Variants in DNAH11 observed in about 807,000 individuals in gnomAD.
DNAH11 encodes the protein axonemal beta dynein heavy chain 11.
DNAH11 carries 442 observed loss-of-function variants against 526.0 expected under a neutral mutation model. That is an observed-to-expected ratio of 0.84 (90% CI 0.78 to 0.91). The LOEUF is 0.91. Ranked by LOEUF, DNAH11 falls within the 40% of genes least tolerant of loss-of-function variation. DNAH11 has a pLI of 0.00. For missense variants in DNAH11, 6,989 were observed against 5,448.7 expected (o/e 1.28, Z -8.90); for synonymous variants, 2,461 against 1,935.9 (o/e 1.27, Z -7.12).
At chr7:21,758,939 G>A (rs557863374) in intron 54 of DNAH11, among the ~76,000 whole-genome samples, 9 of 152,328 alleles carry the variant, frequency 5.9e-5, no homozygotes, top group African/African-American at 1.7e-4. Flanking sequence ...ACAGAGCAGC[G>A]CTGATCAGAA....
intron 74 of DNAH11, among the ~76,000 whole-genome samples, chr7:21,877,651 G>A (rs368947041): frequency 8.0e-4 from 122 of 151,972 alleles, no homozygotes; most frequent in Middle Eastern, 3.4e-3. Flanking sequence ...CGAGGCGGGC[G>A]GATCACGAGG....
At chr7:21,565,684 G>T (rs558942558) in intron 6 of DNAH11, among the ~76,000 whole-genome samples, 3 of 152,182 alleles carry the variant, frequency 2.0e-5, no homozygotes, top group Non-Finnish European at 2.9e-5. Flanking sequence ...TTACTCCTCA[G>T]TTCCCACATC....
intron 56 of DNAH11, among the ~76,000 whole-genome samples, chr7:21,776,195 G>T (rs539601206): frequency 6.6e-6 from 1 of 152,266 alleles, no homozygotes; most frequent in African/African-American, 2.4e-5. Flanking sequence ...CCTTAGCTAA[G>T]AACCACAGGC....
At chr7:21,750,128 C>T in intron 53 of DNAH11, 94 bp from the exon 54 acceptor site, 1 of 1,411,844 alleles carries the variant, frequency 7.1e-7, no homozygotes, top group Admixed American at 2.8e-5. Context: ...TTATGCTGAA[C>T]TTTGTCTTGT....
chr7:21,544,826 C>G (rs1306353749), intron 1 of DNAH11, among the ~76,000 whole-genome samples, 180 bp from the exon 2 acceptor site: 1 of 151,864 alleles, frequency 6.6e-6, no homozygotes, highest in East Asian at 1.9e-4. Context: ...TATAAAAGAA[C>G]AAAGAAAACT....
At position 21,616,254 on chromosome 7, in the gene DNAH11, G is replaced by A; in HGVS notation, c.4057G>A (p.Val1353Met). ...WTKTQWRQIH[V>M]EQMDVELRRF... Reference sequence around the variant, plus strand: ...TAAAACCCAGTGGAGACAGATTCATGTGGAACAGATGGATGTAGAACTCAG... The same window carrying A: ...TAAAACCCAGTGGAGACAGATTCATATGGAACAGATGGATGTAGAACTCAG... Residue 1353 changes from valine to methionine, a missense_variant, in exon 22 of 82, where the codon GTG becomes ATG. By Grantham distance (21) the Val-to-Met change is conservative. Transcript: ENST00000409508. 5 of 1,613,600 alleles carry A rather than the reference G, an allele frequency of 3.1e-6. No homozygotes were observed. The highest frequency in any genetic ancestry group is 4.2e-6 in the Non-Finnish European group (5 of 1,179,688).
At chr7:21,788,620 C>T (rs1229626152) in intron 60 of DNAH11, among the ~76,000 whole-genome samples, 1 of 152,152 alleles carries the variant, frequency 6.6e-6, no homozygotes, top group South Asian at 2.1e-4. Context: ...CTCAGATGGT[C>T]CATTCAAACA....
At chr7:21,737,613 A>C (rs551105090) in intron 46 of DNAH11, among the ~76,000 whole-genome samples, 1 of 152,322 alleles carries the variant, frequency 6.6e-6, no homozygotes, top group South Asian at 2.1e-4. Context: ...CCAGAATTGT[A>C]GAAAAGGAGG....
intron 77 of DNAH11, among the ~76,000 whole-genome samples, chr7:21,893,039 T>G (rs910232006): frequency 6.6e-6 from 1 of 152,248 alleles, no homozygotes; most frequent in Non-Finnish European, 1.5e-5. Context: ...TGTTTTGAAT[T>G]CTATATGAAT....
intron 65 of DNAH11, among the ~76,000 whole-genome samples, chr7:21,824,209 A>G (rs1482905833): frequency 1.3e-5 from 2 of 152,168 alleles, no homozygotes; most frequent in African/African-American, 2.4e-5. Flanking sequence ...TAATACTGAT[A>G]CCTATAAAAT....
chr7:21,852,321 C>T (rs867014944), intron 66 of DNAH11, 146 bp from the exon 67 acceptor site: 24 of 664,750 alleles, frequency 3.6e-5, no homozygotes, highest in South Asian at 8.1e-5. Context: ...GCAGGAGAAT[C>T]GCTTTAACCC....
chr7:21,577,111 G>A (rs1256271949), intron 8 of DNAH11, among the ~76,000 whole-genome samples: 1 of 152,180 alleles, frequency 6.6e-6, no homozygotes, highest in Admixed American at 6.5e-5. Context: ...TCCAGACTTG[G>A]AGCTGAAAAC....
rs1784690730 is a variant in DNAH11, at chr7:21,591,562, C to T, written c.2652C>T (p.Ile884=). Reference sequence around the variant, plus strand: ...TAATCCAAGGAGATGGCTGCAAGATCCACAACTTGGTCGAGGTAATGGCTT... The same window carrying T: ...TAATCCAAGGAGATGGCTGCAAGATTCACAACTTGGTCGAGGTAATGGCTT... ...YKLIQGDGCK[I]HNLVEENRKL... The change falls in exon 14 of 82, where the codon ATC becomes ATT. Residue 884 remains isoleucine, a synonymous_variant. Coordinates refer to ENST00000409508, the MANE Select transcript of DNAH11 (RefSeq NM_001277115.2). The T allele has an allele frequency of 6.4e-7, 1 of 1,569,206 alleles. No individual in the cohort carries two copies. The highest frequency in any genetic ancestry group is 1.4e-5 in the African/African-American group (1 of 73,700).
chr7:21,871,931 G>A (rs1376087994), intron 73 of DNAH11, among the ~76,000 whole-genome samples: 1 of 151,602 alleles, frequency 6.6e-6, no homozygotes, highest in Non-Finnish European at 1.5e-5. Context: ...GACCATCCTG[G>A]CTAACACAGT....
intron 68 of DNAH11, among the ~76,000 whole-genome samples, chr7:21,860,197 G>A (rs1407159762): frequency 6.6e-6 from 1 of 151,502 alleles, no homozygotes; most frequent in Non-Finnish European, 1.5e-5. Context: ...ACAAACATAT[G>A]AAAAAATACT....
chr7:21,709,764 C>T (rs567448527), intron 40 of DNAH11, among the ~76,000 whole-genome samples: 1 of 152,152 alleles, frequency 6.6e-6, no homozygotes, highest in South Asian at 2.1e-4. Context: ...ACTGTGGAAA[C>T]TGTTCAAATC....
chr7:21,788,581 A>G (rs1788293510), intron 60 of DNAH11, among the ~76,000 whole-genome samples: 1 of 152,130 alleles, frequency 6.6e-6, no homozygotes. Context: ...TCTCCCCACC[A>G]GCAGAAAAAA....
chr7:21,701,817 C>A (rs558740530), intron 36 of DNAH11, among the ~76,000 whole-genome samples: 4 of 152,216 alleles, frequency 2.6e-5, no homozygotes, highest in African/African-American at 4.8e-5. Context: ...CTTTTATCTC[C>A]CTTTTTATAG....
rs112866262 is a variant in DNAH11, at chr7:21,839,574, C to CAAA, written c.10692-2959_10692-2957dup. Among the ~76,000 whole-genome samples, 273 of 132,798 alleles carry CAAA rather than the reference C, an allele frequency of 2.1e-3. 1 individual carries two copies. The highest frequency in any genetic ancestry group is 7.2e-3 in the African/African-American group (264 of 36,592). 87.1% of individuals were successfully genotyped at this position (132,798 alleles called of 152,430 possible). On this transcript the variant is annotated intron_variant, in intron 65 of 81. Transcript: ENST00000409508. ...TGGGCGACAGAGTGAGACTCCGTTT[C>CAAA]AAAAAAAAAAAAAGGGGACGTATGT...
Sources: allele counts gnomAD v4.1 joint callset (sites outside exome capture counted in the v4.1 genomes callset), GRCh38; gene constraint gnomAD v4.1.1; transcripts MANE v1.5; gene names NCBI Gene and HGNC (gene_info 2026-07-23, HGNC 2026-07-21).